CSMD3: variants seen among roughly 807,000 people sequenced by gnomAD.
CSMD3 encodes the protein CUB and sushi domain-containing protein 3.
CSMD3 carries 177 observed loss-of-function variants against 435.2 expected under a neutral mutation model. The observed-to-expected ratio is 0.41, with a 90% CI of 0.36 to 0.46. The LOEUF is 0.46. Ranked by LOEUF, CSMD3 falls within the 20% of genes least tolerant of loss-of-function variation. CSMD3 has a pLI of 0.34. For missense variants in CSMD3, 4,265 were observed against 4,504.6 expected (o/e 0.95, Z 1.52); for synonymous variants, 1,656 against 1,520.5 (o/e 1.09, Z -2.07).
intron 2 of CSMD3, among the ~76,000 whole-genome samples, chr8:113,293,919 T>C (rs546155577): frequency 5.9e-5 from 9 of 152,242 alleles, no homozygotes; most frequent in African/African-American, 2.2e-4. Context: ...TTACTGATGA[T>C]AAAATCAGAT....
intron 25 of CSMD3, 113 bp from the exon 26 acceptor site, chr8:112,552,833 G>A (rs1382590263): frequency 2.3e-6 from 2 of 856,748 alleles, no homozygotes; most frequent in African/African-American, 1.7e-5. Context: ...TTTCTTTAAA[G>A]TATACATTTG....
intron 28 of CSMD3, among the ~76,000 whole-genome samples, chr8:112,512,273 T>A (rs1347528540): frequency 6.6e-6 from 1 of 152,248 alleles, no homozygotes; most frequent in African/African-American, 2.4e-5. Flanking sequence ...GCAGCTATAG[T>A]ATTGTAAAAT....
chr8:112,957,001 T>C (rs1202509967), intron 7 of CSMD3, among the ~76,000 whole-genome samples: 2 of 152,112 alleles, frequency 1.3e-5, no homozygotes, highest in African/African-American at 2.4e-5. Context: ...ATTTAAAATA[T>C]GTTAAACAGA....
At chr8:112,319,308 T>C (rs981132485) in intron 46 of CSMD3, among the ~76,000 whole-genome samples, 1 of 152,120 alleles carries the variant, frequency 6.6e-6, no homozygotes, top group African/African-American at 2.4e-5. Context: ...CGGTCACTGA[T>C]AGTTTCTTTG....
chr8:112,433,918 T>C (rs138130750), intron 32 of CSMD3, among the ~76,000 whole-genome samples: 102 of 152,214 alleles, frequency 6.7e-4, no homozygotes, highest in African/African-American at 2.3e-3. Flanking sequence ...TGGTTATTGT[T>C]GAATTTATTT....
At chr8:112,345,798 A>AT (rs1563819426) in intron 41 of CSMD3, among the ~76,000 whole-genome samples, 6 of 152,250 alleles carry the variant, frequency 3.9e-5, no homozygotes, top group African/African-American at 1.4e-4. Flanking sequence ...AAATTTCAAA[A>AT]CATCATGTTG....
intron 6 of CSMD3, among the ~76,000 whole-genome samples, chr8:113,013,077 A>G (rs977626972): frequency 2.0e-5 from 3 of 152,088 alleles, no homozygotes; most frequent in Admixed American, 2.0e-4. Context: ...ATCTCTCTTT[A>G]CAGAAATTTG....
At position 112,440,491 on chromosome 8, in the gene CSMD3, G is replaced by A. The variant is rs77868561; in HGVS notation, c.5396-31459C>T. 7.6e-3 allele frequency among the ~76,000 whole-genome samples: 1,157 copies of A among 152,056 alleles called. 15 individuals are homozygous for A. Among genetic ancestry groups the A allele is most frequent in the African/African-American group, 0.026 (1,085 of 41,482 alleles). On this transcript the variant is annotated intron_variant, in intron 32 of 70. Coordinates refer to ENST00000297405, the MANE Select transcript of CSMD3 (RefSeq NM_198123.2). ...CCATTGTGGGATCTGCAGGATGGTC[G>A]TCTTCTCACAGCTCCACTAGGTAGT...
At chr8:112,393,950 T>C (rs1418820233) in intron 35 of CSMD3, among the ~76,000 whole-genome samples, 2 of 152,068 alleles carry the variant, frequency 1.3e-5, no homozygotes, top group South Asian at 2.1e-4. Flanking sequence ...CTCTTTCTAA[T>C]CACTGTCCCC....
chr8:113,071,550 T>C (rs1338144349), intron 5 of CSMD3, among the ~76,000 whole-genome samples: 1 of 151,886 alleles, frequency 6.6e-6, no homozygotes, highest in Non-Finnish European at 1.5e-5. Flanking sequence ...CATTTTTTTA[T>C]ATCACTTGTT....
At chr8:113,143,239 T>A (rs901817587) in intron 4 of CSMD3, among the ~76,000 whole-genome samples, 3 of 151,256 alleles carry the variant, frequency 2.0e-5, no homozygotes, top group African/African-American at 7.3e-5. Flanking sequence ...CATTAGCCAT[T>A]TGGGAAAAGC....
chr8:113,261,909 C>G (rs1306312298), intron 3 of CSMD3, among the ~76,000 whole-genome samples: 2 of 151,964 alleles, frequency 1.3e-5, no homozygotes, highest in East Asian at 3.9e-4. Context: ...GATGTTGTAT[C>G]ATTTGCTCCC....
At position 112,237,327 on chromosome 8, in the gene CSMD3, T is replaced by G; in HGVS notation, c.10490A>C (p.Gln3497Pro). ...KLSVPDDVFAQNYIWKGSYNF... is the reference protein window; with the variant it reads ...KLSVPDDVFAPNYIWKGSYNF... ...GTAAGAGCCTTTCCATATATAATTTTGGGCAAATACATCATCAGGAACTGT... is the reference window on the plus strand; with the variant it reads ...GTAAGAGCCTTTCCATATATAATTTGGGGCAAATACATCATCAGGAACTGT... Residue 3497 changes from glutamine (Q) to proline (P), a missense_variant, in exon 67 of 71, where the codon CAA becomes CCA. Around this residue, in one of 3 missense-constraint regions of CSMD3, gnomAD observed 3,255 missense variants for 3,380.2 expected, o/e 0.96. Transcript: ENST00000297405. 1.2e-5 allele frequency: 19 copies of G among 1,611,804 alleles called. No individual in the cohort carries two copies. Among genetic ancestry groups the G allele is most frequent in the Non-Finnish European group, 1.6e-5 (19 of 1,178,066 alleles).
At chr8:112,955,447 C>T (rs1261774580) in intron 7 of CSMD3, among the ~76,000 whole-genome samples, 6 of 151,688 alleles carry the variant, frequency 4.0e-5, no homozygotes, top group Non-Finnish European at 8.9e-5. Context: ...TATAAGCATA[C>T]AATGTGTAAT....
chr8:112,228,336 T>C (rs577369298), intron 70 of CSMD3, among the ~76,000 whole-genome samples: 1 of 152,302 alleles, frequency 6.6e-6, no homozygotes, highest in South Asian at 2.1e-4. Flanking sequence ...AATCAGTTAG[T>C]ATTTTTGTGT....
chr8:113,083,331 T>C (rs1223329439), intron 5 of CSMD3, among the ~76,000 whole-genome samples: 2 of 151,900 alleles, frequency 1.3e-5, no homozygotes, highest in South Asian at 2.1e-4. Flanking sequence ...GAGAATGAGA[T>C]GATATATTCA....
intron 10 of CSMD3, among the ~76,000 whole-genome samples, chr8:112,900,274 G>GT (rs1425305816): frequency 6.6e-6 from 1 of 151,202 alleles, no homozygotes; most frequent in African/African-American, 2.4e-5. Context: ...AAAGCCATTT[G>GT]TTCTGGACTA....
chr8:112,602,041 C>G (rs1316408193), intron 22 of CSMD3, among the ~76,000 whole-genome samples: 1 of 152,038 alleles, frequency 6.6e-6, no homozygotes, highest in African/African-American at 2.4e-5. Flanking sequence ...TGTGCATTTT[C>G]TTCTATTACT....
intron 28 of CSMD3, among the ~76,000 whole-genome samples, chr8:112,515,581 C>G (rs1048882851): frequency 2.0e-5 from 3 of 152,054 alleles, no homozygotes; most frequent in Admixed American, 6.6e-5. Flanking sequence ...TAGAATCTTG[C>G]AGTGGTACAT....
Sources: allele counts gnomAD v4.1 joint callset (sites outside exome capture counted in the v4.1 genomes callset), GRCh38; gene constraint gnomAD v4.1.1; regional missense constraint gnomAD v4.1.1; transcripts MANE v1.5; gene names NCBI Gene and HGNC (gene_info 2026-07-23, HGNC 2026-07-21).